Variants in NKAIN2 observed in about 807,000 individuals in gnomAD.
NKAIN2 encodes sodium/potassium-transporting ATPase subunit beta-1-interacting protein 2.
NKAIN2 carries 14 observed loss-of-function variants against 32.6 expected under a neutral mutation model. The ratio of observed to expected loss-of-function variants is 0.43; its 90% confidence interval spans 0.28 to 0.67. The LOEUF (loss-of-function observed/expected upper bound fraction) is 0.67, where lower values mean the gene tolerates loss of function less well. NKAIN2 is among the 30% of genes least tolerant of loss of function. The probability of loss-of-function intolerance (pLI) is 0.17; values close to 1 mark genes in which losing one functional copy is unlikely to be tolerated. For synonymous variants in NKAIN2, 80 were observed against 87.2 expected, an observed-to-expected ratio of 0.92 and a Z score of 0.46; for missense variants, 198 against 258.3, an observed-to-expected ratio of 0.77 and a Z score of 1.60.
chr6:124,805,494 A>C (rs547046218), intron 5 of NKAIN2, among the ~76,000 whole-genome samples: 2 of 152,096 alleles, frequency 1.3e-5, no homozygotes, highest in African/African-American at 4.8e-5. Context: ...CCATCTGTAC[A>C]TCACCATCAT....
intron 1 of NKAIN2, among the ~76,000 whole-genome samples, chr6:124,224,270 C>T (rs1348013135): frequency 2.0e-5 from 3 of 152,034 alleles, no homozygotes; most frequent in Non-Finnish European, 4.4e-5. Context: ...CCTGATTATT[C>T]CTTTGAAGTG....
intron 3 of NKAIN2, among the ~76,000 whole-genome samples, chr6:124,586,386 C>T (rs2114951385): frequency 6.6e-6 from 1 of 152,160 alleles, no homozygotes; most frequent in African/African-American, 2.4e-5. Context: ...TAACTGAGAG[C>T]TCAACATAGA....
At chr6:124,741,477 T>A (rs1359140786) in intron 4 of NKAIN2, among the ~76,000 whole-genome samples, 3 of 151,800 alleles carry the variant, frequency 2.0e-5, no homozygotes, top group African/African-American at 7.2e-5. Context: ...CTGGAAATAA[T>A]ACTGGTGTGA....
chr6:123,806,403 T>C (rs894082042), intron 1 of NKAIN2, among the ~76,000 whole-genome samples: 6 of 152,078 alleles, frequency 3.9e-5, no homozygotes, highest in African/African-American at 1.2e-4. Flanking sequence ...AATGCAATTG[T>C]TTTGATAGGG....
intron 3 of NKAIN2, among the ~76,000 whole-genome samples, chr6:124,433,681 G>A (rs560244821): frequency 6.6e-6 from 1 of 152,076 alleles, no homozygotes; most frequent in Non-Finnish European, 1.5e-5. Context: ...CTGAGATTTG[G>A]TGCCAGGTGA....
intron 1 of NKAIN2, among the ~76,000 whole-genome samples, chr6:124,082,759 T>C (rs76235451): frequency 0.029 from 4,448 of 152,138 alleles, 203 homozygotes; most frequent in African/African-American, 0.098. Flanking sequence ...TTCTGTATGA[T>C]ATTTGTATCC....
At chr6:124,227,914 T>C (rs1321906914) in intron 1 of NKAIN2, among the ~76,000 whole-genome samples, 1 of 152,154 alleles carries the variant, frequency 6.6e-6, no homozygotes, top group Non-Finnish European at 1.5e-5. Context: ...CAACAGACAT[T>C]TATTTCACAC....
At chr6:124,101,661 A>G (rs567556591) in intron 1 of NKAIN2, among the ~76,000 whole-genome samples, 3 of 152,200 alleles carry the variant, frequency 2.0e-5, no homozygotes, top group East Asian at 1.9e-4. Flanking sequence ...TGATACACCT[A>G]AAGTATGTAT....
At chr6:124,188,325 G>A (rs1261507529) in intron 1 of NKAIN2, among the ~76,000 whole-genome samples, 1 of 152,156 alleles carries the variant, frequency 6.6e-6, no homozygotes, top group Non-Finnish European at 1.5e-5. Context: ...ATCAGAAGGG[G>A]CAAACTTGAA....
At chr6:124,710,499 T>A (rs1775386119) in intron 4 of NKAIN2, among the ~76,000 whole-genome samples, 8 of 152,098 alleles carry the variant, frequency 5.3e-5, no homozygotes, top group Admixed American at 5.2e-4. Context: ...ACTTGCTTTA[T>A]GAATCTGGGT....
intron 3 of NKAIN2, among the ~76,000 whole-genome samples, chr6:124,567,125 G>A (rs1329608212): frequency 6.6e-6 from 1 of 152,164 alleles, no homozygotes; most frequent in Non-Finnish European, 1.5e-5. Flanking sequence ...ACTCTTGACA[G>A]TATGCTAAGT....
chr6:124,000,792 A>G (rs72974522), intron 1 of NKAIN2, among the ~76,000 whole-genome samples: 6,239 of 152,104 alleles, frequency 0.041, 228 homozygotes, highest in East Asian at 0.19. Context: ...AAATTCTGTT[A>G]TTTTCTGTTG....
chr6:124,294,881 C>T (rs1273078312), intron 2 of NKAIN2, among the ~76,000 whole-genome samples: 6 of 152,054 alleles, frequency 3.9e-5, no homozygotes, highest in Admixed American at 1.3e-4. Flanking sequence ...TGAAACACAG[C>T]GGAATCCATT....
chr6:124,023,641 A>AT (rs1388882217), intron 1 of NKAIN2, among the ~76,000 whole-genome samples: 1 of 152,218 alleles, frequency 6.6e-6, no homozygotes, highest in Admixed American at 6.5e-5. Flanking sequence ...AATTTATGAG[A>AT]TTTTAGAGGA....
chr6:124,692,765 G>A (rs1008571482), intron 4 of NKAIN2, among the ~76,000 whole-genome samples: 4 of 151,416 alleles, frequency 2.6e-5, no homozygotes, highest in African/African-American at 9.7e-5. Context: ...GCAGTGAGCC[G>A]AGATCACACC....
intron 1 of NKAIN2, among the ~76,000 whole-genome samples, chr6:124,188,036 T>C (rs959644315): frequency 6.6e-6 from 1 of 152,182 alleles, no homozygotes; most frequent in South Asian, 2.1e-4. Context: ...CCACCGTAGA[T>C]CCAGTAGCCT....
At chr6:124,680,576 A>G (rs745713599) in intron 4 of NKAIN2, among the ~76,000 whole-genome samples, 1 of 152,148 alleles carries the variant, frequency 6.6e-6, no homozygotes, top group Non-Finnish European at 1.5e-5. Context: ...GTATTTGGCT[A>G]TCAGGTGGCT....
intron 1 of NKAIN2, among the ~76,000 whole-genome samples, chr6:124,130,559 T>A (rs1022390858): frequency 2.6e-5 from 4 of 152,184 alleles, no homozygotes; most frequent in Non-Finnish European, 4.4e-5. Context: ...GGAATTATTT[T>A]AATGCATTAC....
chr6:124,286,010 CTG>C (rs1218746863), intron 2 of NKAIN2, among the ~76,000 whole-genome samples: 1 of 152,026 alleles, frequency 6.6e-6, no homozygotes, highest in East Asian at 1.9e-4. Context: ...CATATTTTCT[CTG>C]TAATATTTTT....
Sources: allele counts gnomAD v4.1 joint callset (sites outside exome capture counted in the v4.1 genomes callset), GRCh38; gene constraint gnomAD v4.1.1; transcripts MANE v1.5; gene names NCBI Gene and HGNC (gene_info 2026-07-23, HGNC 2026-07-21).